Variants in CTCF observed in about 807,000 individuals in gnomAD.
The protein encoded by CTCF is CCCTC-binding factor.
In CTCF, 7 loss-of-function variants were observed where a neutral mutation model predicts 72.3. That is an observed-to-expected ratio of 0.10 (90% confidence interval 0.06 to 0.18). CTCF has a LOEUF of 0.18. CTCF is among the 10% of genes least tolerant of loss of function. The probability of loss-of-function intolerance (pLI) is 1.00; values close to 1 mark genes in which losing one functional copy is unlikely to be tolerated. For synonymous variants in CTCF, 374 were observed against 315.8 expected (o/e 1.18, Z -1.95); for missense variants, 516 against 949.1 (o/e 0.54, Z 6.00).
rs2142839258 is a variant in CTCF at position 67,616,730 on chromosome 16, C to T, written c.953-15C>T. ...CCTTGATCTTGCTCTTCCTGTTACT[C>T]CATCCTTTCTCTAGGTACTCGTCCT... On this transcript the variant is annotated splice_polypyrimidine_tract_variant and intron_variant, in intron 4 of 11. Coordinates refer to ENST00000264010, the MANE Select transcript of CTCF (RefSeq NM_006565.4). 4 of 1,613,956 alleles carry T rather than the reference C, an allele frequency of 2.5e-6. No individual in the cohort carries two copies. Among genetic ancestry groups the T allele is most frequent in the Admixed American group, 1.7e-5 (1 of 59,998 alleles).
At chr16:67,631,176 T>TTTTTTTTTTTTG (rs2052360118) in intron 10 of CTCF, among the ~76,000 whole-genome samples, 1 of 148,536 alleles carries the variant, frequency 6.7e-6, no homozygotes, top group Admixed American at 6.6e-5. Context: ...TTTTTTGTTT[T>TTTTTTTTTTTTG]TTTTTTGAGA....
chr16:67,635,262 C>T (rs2052414473), intron 10 of CTCF, among the ~76,000 whole-genome samples: 1 of 152,012 alleles, frequency 6.6e-6, no homozygotes, highest in Non-Finnish European at 1.5e-5. Context: ...CCTTGTGATC[C>T]ACCCGCCTCA....
intron 2 of CTCF, among the ~76,000 whole-genome samples, chr16:67,577,404 C>G (rs907973536): frequency 2.7e-5 from 4 of 148,694 alleles, no homozygotes; most frequent in African/African-American, 9.8e-5. Context: ...GGTGTTTTTG[C>G]CTAGTTTACT....
intron 2 of CTCF, among the ~76,000 whole-genome samples, chr16:67,599,067 A>G (rs1210946887): frequency 1.3e-5 from 2 of 152,220 alleles, no homozygotes; most frequent in African/African-American, 4.8e-5. Flanking sequence ...TAAGCAACAT[A>G]GAGCTAGCTA....
intron 1 of CTCF, among the ~76,000 whole-genome samples, chr16:67,567,337 G>C (rs1309679024): frequency 1.3e-5 from 2 of 152,146 alleles, no homozygotes; most frequent in Non-Finnish European, 2.9e-5. Context: ...GTCACTCTTG[G>C]AATTTTCAGG....
chr16:67,600,918 T>C (rs188835527), intron 2 of CTCF, among the ~76,000 whole-genome samples: 1 of 152,216 alleles, frequency 6.6e-6, no homozygotes, highest in African/African-American at 2.4e-5. Context: ...ACAAAAAATA[T>C]TTGATGAAAC....
chr16:67,630,314 C>G (rs1339602930), intron 10 of CTCF, among the ~76,000 whole-genome samples: 1 of 152,144 alleles, frequency 6.6e-6, no homozygotes, highest in Non-Finnish European at 1.5e-5. Flanking sequence ...AGGTGCTGAT[C>G]AAGTCAGTGA....
At chr16:67,584,337 CTT>C (rs904086024) in intron 2 of CTCF, among the ~76,000 whole-genome samples, 23 of 105,822 alleles carry the variant, frequency 2.2e-4, no homozygotes, top group African/African-American at 3.4e-4. Flanking sequence ...AAAAAGTCTT[CTT>C]TTTTTTTTTT....
intron 2 of CTCF, among the ~76,000 whole-genome samples, chr16:67,580,512 T>C (rs917495515): frequency 2.6e-5 from 4 of 151,816 alleles, no homozygotes; most frequent in Non-Finnish European, 5.9e-5. Flanking sequence ...GCTTAGTTTT[T>C]TAATTATTTA....
At chr16:67,629,041 G>C (rs901169979) in intron 9 of CTCF, among the ~76,000 whole-genome samples, 1 of 150,294 alleles carries the variant, frequency 6.7e-6, no homozygotes, top group African/African-American at 2.5e-5. Flanking sequence ...GAAAGAGCAA[G>C]ACTCCGTCTC....
intron 2 of CTCF, among the ~76,000 whole-genome samples, chr16:67,597,986 G>A (rs2051836663): frequency 6.6e-6 from 1 of 151,216 alleles, no homozygotes. Context: ...GTTTTTCTTA[G>A]TTTTTTTTTA....
chr16:67,623,371 T>C (rs2064429295), intron 7 of CTCF: 1 of 151,698 alleles, frequency 6.6e-6, no homozygotes, highest in African/African-American at 2.4e-5. Context: ...CCAGGCGCAG[T>C]GGCTCACGCC....
intron 2 of CTCF, among the ~76,000 whole-genome samples, chr16:67,603,944 C>T (rs2051934082): frequency 6.6e-6 from 1 of 150,564 alleles, no homozygotes; most frequent in African/African-American, 2.4e-5. Flanking sequence ...GTCTGTGCAA[C>T]ATGGTGAAAC....
At position 67,611,455 on chromosome 16, in the gene CTCF, A is replaced by G. The variant is rs777801225; in HGVS notation, c.623A>G (p.Lys208Arg). 1.2e-6 allele frequency: 2 copies of G among 1,614,160 alleles called. No homozygotes were observed. The highest frequency in any genetic ancestry group is 1.1e-5 in the South Asian group (1 of 91,084). ...QPPAKKTKKT[K>R]KSKLRYTEEG... ...CCAGCCAAAAAAACAAAGAAAACCA[A>G]AAAGAGCAAACTGCGTTATACAGAG... Residue 208 changes from lysine to arginine, a missense_variant, in exon 3 of 12, where the codon AAA (lysine) becomes AGA (arginine). This residue lies in a region of CTCF where 53 missense variants were observed against 63.6 expected (regional missense o/e 0.83). Coordinates refer to ENST00000264010, the MANE Select transcript of CTCF (RefSeq NM_006565.4).
chr16:67,631,912 A>C (rs572714823), intron 10 of CTCF, among the ~76,000 whole-genome samples: 1 of 151,644 alleles, frequency 6.6e-6, no homozygotes, highest in African/African-American at 2.4e-5. Flanking sequence ...GTTATCTACA[A>C]AAAAATACAA....
chr16:67,622,356 A>T (rs887484443), intron 7 of CTCF, among the ~76,000 whole-genome samples: 2 of 135,664 alleles, frequency 1.5e-5, no homozygotes, highest in African/African-American at 5.4e-5. Context: ...ACTCTGTCTC[A>T]AAAAAAAAAA....
chr16:67,596,121 T>C (rs958207020), intron 2 of CTCF, among the ~76,000 whole-genome samples: 1 of 151,930 alleles, frequency 6.6e-6, no homozygotes, highest in African/African-American at 2.4e-5. Flanking sequence ...GCCCAGCTAA[T>C]TTTTGTATTT....
chr16:67,588,165 A>G (rs530094688), intron 2 of CTCF, among the ~76,000 whole-genome samples: 14 of 152,120 alleles, frequency 9.2e-5, no homozygotes, highest in Non-Finnish European at 1.3e-4. Context: ...GCCAGGATCT[A>G]TATTTTTTAA....
intron 2 of CTCF, among the ~76,000 whole-genome samples, chr16:67,586,272 C>G (rs2051667472): frequency 6.6e-6 from 1 of 152,076 alleles, no homozygotes; most frequent in Non-Finnish European, 1.5e-5. Flanking sequence ...CGTGGTGGCT[C>G]ACACCTGTAA....
Sources: gnomAD v4.1 joint callset for allele counts (sites outside exome capture counted in the v4.1 genomes callset) on GRCh38, gnomAD v4.1.1 for gene constraint, gnomAD v4.1.1 regional missense constraint, MANE v1.5 for transcripts, NCBI Gene and HGNC (gene_info 2026-07-23, HGNC 2026-07-21) for gene names.